The following NUP50 variants were observed in gnomAD, a reference collection of about 807,000 sequenced individuals.
NUP50 encodes the protein nuclear pore complex protein Nup50.
Under a neutral mutation model 36.8 loss-of-function variants are expected in NUP50, and 14 were observed. The ratio of observed to expected loss-of-function variants is 0.38; its 90% CI spans 0.25 to 0.59. The LOEUF is 0.59. Among genes scored for constraint, NUP50 ranks in the 20% least tolerant of loss-of-function variants. The pLI, the probability that NUP50 is intolerant of heterozygous loss-of-function variation, is 0.63. For missense variants in NUP50, 455 were observed against 564.6 expected (o/e 0.81, Z 1.97); for synonymous variants, 195 against 210.8 (o/e 0.93, Z 0.65).
chr22:45,179,353 A>C (rs2074330372), intron 5 of NUP50: 1 of 155,446 alleles, frequency 6.4e-6, no homozygotes, highest in Admixed American at 6.4e-5. Context: ...TCATAGCCAT[A>C]GAGAAGAAAT....
chr22:45,168,236 A>G lies in NUP50; in HGVS notation c.59A>G (p.Glu20Gly), dbSNP rs1200142847. The G allele has an allele frequency of 1.5e-5, 24 of 1,609,398 alleles. No individual in the cohort carries two copies. Among genetic ancestry groups the G allele is most frequent in the Non-Finnish European group, 1.8e-5 (21 of 1,178,542 alleles). The change falls in exon 2 of 8, where the codon GAA becomes GGA. Residue 20 changes from glutamate to glycine, a missense_variant. By Grantham distance (98) the Glu-to-Gly change is moderately conservative (BLOSUM62 -2). Around this residue, in one of 3 missense-constraint regions of NUP50, gnomAD observed 166 missense variants for 202.8 expected, o/e 0.82. Coordinates refer to ENST00000347635, the MANE Select transcript of NUP50 (RefSeq NM_007172.4). The part of the protein sequence containing the change: ...LTDRNWDQED[E>G]AEEVGTFSMA... ...GATAGGAATTGGGATCAAGAAGATG[A>G]AGCTGAAGAGGTAAAAAGCAGCTTC...
chr22:45,170,424 C>G (rs1181700065), intron 2 of NUP50, among the ~76,000 whole-genome samples: 2 of 152,224 alleles, frequency 1.3e-5, no homozygotes, highest in Non-Finnish European at 1.5e-5. Context: ...CTAAGGAAAT[C>G]TGTAACCACG....
In NUP50 at chr22:45,184,815, G is replaced by A. The variant is rs1244601620; in HGVS notation, c.*160G>A. ...AATGTGGCCAATAAAACCTTTAAAT[G>A]TTAAGTGTCAAGAAACTGCACTCTC... On this transcript the variant is annotated 3_prime_UTR_variant, in exon 8 of 8. Coordinates refer to ENST00000347635, the MANE Select transcript of NUP50 (RefSeq NM_007172.4). The A allele has an allele frequency of 1.3e-5, 8 of 631,920 alleles. No homozygotes were observed. Among genetic ancestry groups the A allele is most frequent in the South Asian group, 8.0e-5 (4 of 50,138 alleles). 39.1% of individuals were successfully genotyped at this position (631,920 alleles called of 1,614,324 possible). A position where few individuals can be genotyped will look rare whatever the true frequency, so the allele number is the denominator to read the frequency against.
At chr22:45,172,776 CAGTA>C (rs1380315894) in intron 3 of NUP50, among the ~76,000 whole-genome samples, 3 of 152,080 alleles carry the variant, frequency 2.0e-5, no homozygotes, top group Admixed American at 6.6e-5. Flanking sequence ...GGGAGGCAGT[CAGTA>C]AGACGTTTAC....
chr22:45,178,858 C>T lies in NUP50; in HGVS notation c.961C>T (p.Pro321Ser), dbSNP rs765394915. The stretch of plus-strand genomic sequence containing the variant: ...AGTCTCTTCACCATTTCCCACTAAA[C>T]CATTGGAGGGCCAAGCAGAAGGTGA... ...KPVSSPFPTK[P>S]LEGQAEGDSG... The change falls in exon 5 of 8, where the codon CCA becomes TCA. Residue 321 changes from proline (P) to serine (S), a missense_variant. By Grantham distance (74) the Pro-to-Ser change is moderately conservative (BLOSUM62 -1). Transcript: ENST00000347635. The T allele has an allele frequency of 6.2e-7, 1 of 1,613,516 alleles. No homozygotes were observed. Among genetic ancestry groups the T allele is most frequent in the South Asian group, 1.1e-5 (1 of 90,998 alleles).
rs1170442715 is a variant in NUP50 at position 45,184,735 on chromosome 22, CTTCT to C, written c.*83_*86del. On this transcript the variant is annotated 3_prime_UTR_variant, in exon 8 of 8. Coordinates refer to ENST00000347635, the MANE Select transcript of NUP50 (RefSeq NM_007172.4). ...CTTAAAGTTAGTCAGTTTTTCTTCTCTTCTTTGACATTCTAAGAACTTATAGATA... is the reference window on the plus strand; with the variant it reads ...CTTAAAGTTAGTCAGTTTTTCTTCTCTTGACATTCTAAGAACTTATAGATA... 2.5e-5 allele frequency: 26 copies of C among 1,033,772 alleles called. No individual in the cohort carries two copies. Among genetic ancestry groups the C allele is most frequent in the African/African-American group, 7.9e-5 (5 of 63,310 alleles). The allele number at this position is 1,033,772 out of a possible 1,614,324, so 64.0% of individuals were successfully genotyped here.
intron 1 of NUP50, among the ~76,000 whole-genome samples, chr22:45,167,967 A>G (rs751526955): frequency 2.3e-4 from 35 of 152,244 alleles, no homozygotes; most frequent in Admixed American, 5.9e-4. Context: ...CTCCTGGAAA[A>G]AGCCTTTATT....
At chr22:45,168,374 CAAG>C (rs1465858533) in intron 2 of NUP50, 128 bp downstream of exon 2, 16 of 656,730 alleles carry the variant, frequency 2.4e-5, no homozygotes, top group Non-Finnish European at 4.3e-5. Flanking sequence ...TGGGAGATGA[CAAG>C]AAATTATATG....
Position 45,184,880 on chromosome 22 carries a change from T to C in NUP50, c.*225T>C, listed in dbSNP as rs2074445299. On this transcript the variant is annotated 3_prime_UTR_variant, in exon 8 of 8. Transcript: ENST00000347635. ...GCCTAAAGTGTAAAATACATTTGAATGCAATTTTTGGAAGATTTTTTAATG... is the reference window on the plus strand; with the variant it reads ...GCCTAAAGTGTAAAATACATTTGAACGCAATTTTTGGAAGATTTTTTAATG... 1.8e-6 allele frequency: 1 copy of C among 565,670 alleles called. No individual in the cohort carries two copies. Among genetic ancestry groups the C allele is most frequent in the Non-Finnish European group, 3.2e-6 (1 of 313,760 alleles). 35.0% of individuals were successfully genotyped at this position (565,670 alleles called of 1,614,324 possible). A position where few individuals can be genotyped will look rare whatever the true frequency, so the allele number is the denominator to read the frequency against.
intron 2 of NUP50, among the ~76,000 whole-genome samples, chr22:45,169,505 C>A (rs2074151162): frequency 6.6e-6 from 1 of 152,198 alleles, no homozygotes; most frequent in Admixed American, 6.5e-5. Context: ...AGTCATAATA[C>A]AAATTAGATA....
chr22:45,170,207 G>A (rs1437761336), intron 2 of NUP50, among the ~76,000 whole-genome samples: 3 of 151,406 alleles, frequency 2.0e-5, no homozygotes, highest in Non-Finnish European at 2.9e-5. Context: ...ATATCAGCAC[G>A]CCCAGCCATT....
intron 7 of NUP50, chr22:45,183,789 C>T: frequency 2.8e-6 from 1 of 361,690 alleles, no homozygotes; most frequent in Non-Finnish European, 5.1e-6. Flanking sequence ...ATTTAATGAA[C>T]ACCCAAGGGA....
intron 3 of NUP50, 22 bp from the exon 4 acceptor site, chr22:45,175,872 G>T (rs776989761): frequency 6.2e-7 from 1 of 1,613,104 alleles, no homozygotes; most frequent in Non-Finnish European, 8.5e-7. Context: ...TACCTAATGT[G>T]TGCTCCTCCT....
At chr22:45,171,039 C>T (rs1020962647) in intron 2 of NUP50, 7 of 1,303,946 alleles carry the variant, frequency 5.4e-6, no homozygotes, top group South Asian at 3.7e-5. Context: ...AGCTTTCTGA[C>T]GTGGACATCA....
intron 1 of NUP50, among the ~76,000 whole-genome samples, chr22:45,165,492 C>T (rs940992239): frequency 6.6e-6 from 1 of 152,202 alleles, no homozygotes; most frequent in Admixed American, 6.5e-5. Context: ...GAGATCCTTC[C>T]GCCTCCCTTA....
chr22:45,183,446 G>A lies in NUP50; in HGVS notation c.1130G>A (p.Gly377Asp). The A allele has an allele frequency of 3.1e-6, 5 of 1,610,746 alleles. No individual in the cohort carries two copies. The highest frequency in any genetic ancestry group is 4.2e-6 in the Non-Finnish European group (5 of 1,178,196). ...YKKDNEFKEK[G>D]IGTLHLKPTA... ...AAAGACAATGAGTTTAAAGAGAAAG[G>A]CATAGGTACTCTGCATTTAAAACCT... The change falls in exon 7 of 8, where the codon GGC becomes GAC. Residue 377 changes from glycine to aspartate, a missense_variant. By Grantham distance (94) the Gly-to-Asp change is moderately conservative (BLOSUM62 -1). Transcript: ENST00000347635.
chr22:45,174,183 CTTTT>C (rs132886), intron 3 of NUP50, among the ~76,000 whole-genome samples: 13 of 137,908 alleles, frequency 9.4e-5, no homozygotes, highest in Admixed American at 2.9e-4. Context: ...GGTATTTTCC[CTTTT>C]TTTTTTTTTT....
chr22:45,167,863 A>T (rs1046818967), intron 1 of NUP50, among the ~76,000 whole-genome samples: 2 of 152,330 alleles, frequency 1.3e-5, no homozygotes, highest in African/African-American at 2.4e-5. Context: ...CCAGATTTTT[A>T]AAAAATCAAT....
Position 45,178,765 on chromosome 22 carries a change from C to G in NUP50, c.868C>G (p.Leu290Val), listed in dbSNP as rs749300830. Residue 290 changes from leucine to valine, a missense_variant, in exon 5 of 8, where the codon CTG becomes GTG. This residue lies in a region of NUP50 where 287 missense variants were observed against 345.5 expected (regional missense o/e 0.83). Transcript: ENST00000347635. ...SVLGSLSSVP[L>V]TGFSFSPGNS... is the part of the protein sequence containing the mutation. Reference sequence around the variant, plus strand: ...TTTGGGCTCATTAAGCTCTGTCCCCCTGACTGGATTTTCTTTCTCCCCTGG... The same window carrying G: ...TTTGGGCTCATTAAGCTCTGTCCCCGTGACTGGATTTTCTTTCTCCCCTGG... The G allele has an allele frequency of 1.8e-5, 29 of 1,613,844 alleles. 1 individual carries two copies. The South Asian group carries it at 2.9e-4, about 16-fold the overall frequency.
Sources: gnomAD v4.1 joint callset for allele counts (sites outside exome capture counted in the v4.1 genomes callset) on GRCh38, gnomAD v4.1.1 for gene constraint, gnomAD v4.1.1 regional missense constraint, MANE v1.5 for transcripts, NCBI Gene and HGNC (gene_info 2026-07-23, HGNC 2026-07-21) for gene names.